PHF20: variants seen among roughly 807,000 people sequenced by gnomAD.
PHF20 encodes glioma-expressed antigen 2.
In PHF20, 23 loss-of-function variants were observed where a neutral mutation model predicts 113.5. The ratio of observed to expected loss-of-function variants is 0.20; its 90% CI spans 0.15 to 0.29. PHF20 has a LOEUF of 0.29. PHF20 is among the 10% of genes least tolerant of loss of function. The pLI is 1.00. For synonymous variants in PHF20, 434 were observed against 457.3 expected, an observed-to-expected ratio of 0.95 and a Z score of 0.65; for missense variants, 943 against 1,219.6, an observed-to-expected ratio of 0.77 and a Z score of 3.38.
chr20:35,871,893 A>G (rs1600854619), intron 9 of PHF20, 64 bp downstream of exon 9: 1 of 214,420 alleles, frequency 4.7e-6, no homozygotes, highest in Non-Finnish European at 7.2e-6. Context: ...TTTGTGAACT[A>G]AAAAAAAAAA....
At chr20:35,927,629 A>G in intron 13 of PHF20, 151 bp from the exon 14 acceptor site, 1 of 645,966 alleles carries the variant, frequency 1.5e-6, no homozygotes, top group Non-Finnish European at 2.8e-6. Flanking sequence ...GATGTGTGGC[A>G]GCAGCTCAGT....
At chr20:35,922,697 G>A (rs556368615) in intron 13 of PHF20, among the ~76,000 whole-genome samples, 6 of 152,324 alleles carry the variant, frequency 3.9e-5, no homozygotes, top group South Asian at 4.1e-4. Context: ...TCGCTGTAGA[G>A]CATGTTTTGT....
At chr20:35,940,819 A>G (rs1041477013) in intron 16 of PHF20, 45 bp from the exon 17 acceptor site, 3 of 1,526,488 alleles carry the variant, frequency 2.0e-6, no homozygotes, top group African/African-American at 2.8e-5. Flanking sequence ...AAAATGGGCC[A>G]GGGGCTATCT....
intron 9 of PHF20, among the ~76,000 whole-genome samples, chr20:35,873,285 G>A (rs2054455896): frequency 6.6e-6 from 1 of 151,522 alleles, no homozygotes; most frequent in South Asian, 2.1e-4. Context: ...ATTTTTAGTA[G>A]AGACAGGGTC....
intron 11 of PHF20, 99 bp downstream of exon 11, chr20:35,913,446 G>A (rs577867697): frequency 1.2e-6 from 1 of 813,980 alleles, no homozygotes; most frequent in East Asian, 2.5e-5. Flanking sequence ...GCTGAGCAGA[G>A]GAAGGACCAA....
At chr20:35,853,552 T>C (rs1005201906) in intron 4 of PHF20, among the ~76,000 whole-genome samples, 26 of 152,114 alleles carry the variant, frequency 1.7e-4, no homozygotes, top group Admixed American at 3.9e-4. Flanking sequence ...GAGACCAGCC[T>C]GGGTAACATA....
At chr20:35,817,268 T>A (rs2425153) in intron 2 of PHF20, among the ~76,000 whole-genome samples, 17 of 150,606 alleles carry the variant, frequency 1.1e-4, no homozygotes, top group African/African-American at 4.1e-4. Flanking sequence ...CTCACTGCAA[T>A]CTCCGCCTCC....
At chr20:35,804,404 T>A (rs1417576393) in intron 2 of PHF20, among the ~76,000 whole-genome samples, 1 of 151,860 alleles carries the variant, frequency 6.6e-6, no homozygotes, top group Non-Finnish European at 1.5e-5. Context: ...CAACTAATTT[T>A]TTTGTATTTT....
chr20:35,885,449 G>C (rs1448302440), intron 9 of PHF20, among the ~76,000 whole-genome samples: 24 of 144,102 alleles, frequency 1.7e-4, no homozygotes, highest in African/African-American at 5.7e-4. Context: ...TTACTGGAGT[G>C]GGGGACAGGG....
rs187367010 is a variant in PHF20, at chr20:35,885,034, A to G, written c.1282+13205A>G. Reference sequence around the variant, plus strand: ...CTTTTAGTAGAGATGGAGTTTCACCATGTTGGTCAAGCTGGTCTCGAACTC... The same window carrying G: ...CTTTTAGTAGAGATGGAGTTTCACCGTGTTGGTCAAGCTGGTCTCGAACTC... On this transcript the variant is annotated intron_variant, in intron 9 of 17. Coordinates refer to ENST00000374012, the MANE Select transcript of PHF20 (RefSeq NM_016436.5). Among the ~76,000 whole-genome samples the G allele has an allele frequency of 7.9e-5, 12 of 152,170 alleles. No individual in the cohort carries two copies. The East Asian group carries it at 2.1e-3, about 27-fold the overall frequency.
At chr20:35,801,306 A>G (rs2041776655) in intron 1 of PHF20, among the ~76,000 whole-genome samples, 185 bp from the exon 2 acceptor site, 1 of 152,200 alleles carries the variant, frequency 6.6e-6, no homozygotes, top group African/African-American at 2.4e-5. Flanking sequence ...CAGAAACCAC[A>G]GGAAGCTGCA....
At chr20:35,898,855 C>G (rs2055040420) in intron 9 of PHF20, among the ~76,000 whole-genome samples, 1 of 152,154 alleles carries the variant, frequency 6.6e-6, no homozygotes, top group Non-Finnish European at 1.5e-5. Context: ...AGGCGATCTG[C>G]CTCCCTTGGC....
intron 1 of PHF20, among the ~76,000 whole-genome samples, chr20:35,775,489 G>C (rs566423274): frequency 6.6e-6 from 1 of 152,158 alleles, no homozygotes; most frequent in Non-Finnish European, 1.5e-5. Flanking sequence ...GGGCACGGTG[G>C]CTCATGCTTG....
At chr20:35,877,667 T>C (rs2054556571) in intron 9 of PHF20, among the ~76,000 whole-genome samples, 1 of 151,750 alleles carries the variant, frequency 6.6e-6, no homozygotes, top group Admixed American at 6.6e-5. Context: ...AGCCTCTAAC[T>C]CCTGGTCTCA....
chr20:35,906,215 C>G (rs1249267364), intron 10 of PHF20, among the ~76,000 whole-genome samples: 8 of 152,236 alleles, frequency 5.3e-5, no homozygotes, highest in Middle Eastern at 6.3e-3. Context: ...CCATCCACAC[C>G]TTTTCTCATG....
intron 6 of PHF20, among the ~76,000 whole-genome samples, chr20:35,863,889 T>G (rs112564235): frequency 2.8e-3 from 429 of 152,332 alleles, no homozygotes; most frequent in African/African-American, 9.1e-3. Flanking sequence ...AGAGTGATTA[T>G]TGATTAGAAA....
chr20:35,825,955 C>A (rs2042253357), intron 2 of PHF20, among the ~76,000 whole-genome samples: 1 of 152,100 alleles, frequency 6.6e-6, no homozygotes, highest in Admixed American at 6.6e-5. Context: ...AGATATGGAC[C>A]ATTATGGGCA....
In PHF20 at chr20:35,947,640, A is replaced by C. The variant is rs749805013; in HGVS notation, c.*13A>C. On this transcript the variant is annotated 3_prime_UTR_variant, in exon 18 of 18. Transcript: ENST00000374012. The stretch of plus-strand genomic sequence containing the variant: ...CTGCTCAACATGAAACTGGGCACCC[A>C]AAACTCATGGGGGCACAATCCTGGG... The C allele has an allele frequency of 6.2e-7, 1 of 1,611,426 alleles. No homozygotes were observed. Among genetic ancestry groups the C allele is most frequent in the South Asian group, 1.1e-5 (1 of 91,000 alleles).
rs1048197763 is a variant in PHF20, at chr20:35,949,534, T to C, written c.*1907T>C. 9 of 152,666 alleles carry C rather than the reference T, an allele frequency of 5.9e-5. No individual in the cohort carries two copies. Among genetic ancestry groups the C allele is most frequent in the African/African-American group, 1.9e-4 (8 of 41,456 alleles). The allele number at this position is 152,666 out of a possible 1,614,324, so 9.5% of individuals were successfully genotyped here. On this transcript the variant is annotated 3_prime_UTR_variant, in exon 18 of 18. Coordinates refer to ENST00000374012, the MANE Select transcript of PHF20 (RefSeq NM_016436.5). The stretch of plus-strand genomic sequence containing the variant: ...TGCCAACTGGCCATTATTGGGATTA[T>C]TGTTTAAATTTTTGGTAAAGGAAGT...
Sources: allele counts gnomAD v4.1 joint callset (sites outside exome capture counted in the v4.1 genomes callset), GRCh38; gene constraint gnomAD v4.1.1; transcripts MANE v1.5; gene names NCBI Gene and HGNC (gene_info 2026-07-23, HGNC 2026-07-21).